The following OPN1SW variants were observed in gnomAD, a reference collection of about 807,000 sequenced individuals.
OPN1SW encodes short-wave-sensitive opsin 1.
A neutral mutation model predicts 31.9 loss-of-function variants in OPN1SW; 25 were observed. The observed-to-expected ratio is 0.78, with a 90% CI of 0.57 to 1.09. OPN1SW has a LOEUF of 1.09. Among genes scored for constraint, OPN1SW ranks in the 50% least tolerant of loss-of-function variants. The probability of loss-of-function intolerance (pLI) is 0.00; values close to 1 mark genes in which losing one functional copy is unlikely to be tolerated. For synonymous variants in OPN1SW, 190 were observed against 171.9 expected, an observed-to-expected ratio of 1.11 and a Z score of -0.82; for missense variants, 424 against 448.0, an observed-to-expected ratio of 0.95 and a Z score of 0.48.
Position 128,773,762 on chromosome 7 carries a change from T to A in OPN1SW, c.805A>T (p.Met269Leu). Residue 269 changes from methionine to leucine, a missense_variant, in exon 4 of 5, where the codon ATG becomes TTG. Physicochemically the swap from Met to Leu is conservative, Grantham distance 15. Transcript: ENST00000249389. ...YVPYAAFAMY[M>L]VNNRNHGLDL... ...AGCCCATGGTTACGGTTGTTGACCA[T>A]GTACATGGCGAAGGCCGCGTAGGGC... 2 of 1,614,182 alleles carry A rather than the reference T, an allele frequency of 1.2e-6. No individual in the cohort carries two copies. Among genetic ancestry groups the A allele is most frequent in the South Asian group, 2.2e-5 (2 of 91,084 alleles).
Position 128,774,364 on chromosome 7 carries a change from C to T in OPN1SW, c.678+134G>A, listed in dbSNP as rs995416702. 10 of 1,217,462 alleles carry T rather than the reference C, an allele frequency of 8.2e-6. No homozygotes were observed. The African/African-American group carries it at 1.0e-4, about 13-fold the overall frequency. The allele number at this position is 1,217,462 out of a possible 1,614,324, so 75.4% of individuals were successfully genotyped here. On this transcript the variant is annotated intron_variant, in intron 3 of 4. Transcript: ENST00000249389. ...CTTTGGATCTCCATCATTCTCCCTC[C>T]TCCTACTTCCTTTGCTGCTTTTAGA...
intron 3 of OPN1SW, among the ~76,000 whole-genome samples, chr7:128,774,119 C>T (rs1801701773): frequency 6.6e-6 from 1 of 152,138 alleles, no homozygotes; most frequent in Non-Finnish European, 1.5e-5. Context: ...CAAGCACACA[C>T]CACCATGCCC....
intron 1 of OPN1SW, 32 bp downstream of exon 1, chr7:128,775,407 C>G (rs763962437): frequency 7.5e-6 from 12 of 1,593,272 alleles, no homozygotes; most frequent in Non-Finnish European, 1.0e-5. Flanking sequence ...GCAACCTTTG[C>G]CTTCCCCTAA....
chr7:128,772,642 C>T lies in OPN1SW; in HGVS notation c.936G>A (p.Met312Ile). ...FMNKQFQACIMKMVCGKAMTD... is the reference protein window; with the variant it reads ...FMNKQFQACIIKMVCGKAMTD... The stretch of plus-strand genomic sequence containing the variant: ...TCATGGCCTTCCCACACACCATCTT[C>T]ATGATGCAAGCTTGGAACTGGAGAG... The change falls in exon 5 of 5, where the codon ATG (methionine) becomes ATA (isoleucine). Residue 312 changes from methionine (M) to isoleucine (I), a missense_variant. By Grantham distance (10) the Met-to-Ile change is conservative. Coordinates refer to ENST00000249389, the MANE Select transcript of OPN1SW (RefSeq NM_001385125.1). 1 of 1,614,124 alleles carries T rather than the reference C, an allele frequency of 6.2e-7. No homozygotes were observed. Among genetic ancestry groups the T allele is most frequent in the Non-Finnish European group, 8.5e-7 (1 of 1,179,990 alleles).
chr7:128,774,853 A>C, intron 2 of OPN1SW, 133 bp downstream of exon 2: 1 of 1,347,384 alleles, frequency 7.4e-7, no homozygotes, highest in South Asian at 1.2e-5. Flanking sequence ...CTTGTCTCCC[A>C]CTGCCCTTTC....
At position 128,772,495 on chromosome 7, in the gene OPN1SW, G is replaced by T; in HGVS notation, c.*45C>A. On this transcript the variant is annotated 3_prime_UTR_variant, in exon 5 of 5. Transcript: ENST00000249389. Reference sequence around the variant, plus strand: ...GGAGACAATAGAAACTTACTTAAAAGTAAAATTTAATTCTAGCTGTTGCAA... The same window carrying T: ...GGAGACAATAGAAACTTACTTAAAATTAAAATTTAATTCTAGCTGTTGCAA... The T allele has an allele frequency of 6.2e-7, 1 of 1,612,814 alleles. No individual in the cohort carries two copies. Among genetic ancestry groups the T allele is most frequent in the Non-Finnish European group, 8.5e-7 (1 of 1,178,914 alleles).
intron 3 of OPN1SW, 115 bp downstream of exon 3, chr7:128,774,382 CT>C (rs1253240906): frequency 3.6e-6 from 5 of 1,392,976 alleles, no homozygotes; most frequent in Middle Eastern, 2.2e-4. Context: ...TCCTTTGCTG[CT>C]TTTAGATACC....
intron 4 of OPN1SW, 102 bp downstream of exon 4, chr7:128,773,546 AC>A: frequency 6.6e-7 from 1 of 1,514,294 alleles, no homozygotes; most frequent in Non-Finnish European, 9.1e-7. Flanking sequence ...TCCCTCGTCT[AC>A]TAGAAACCTG....
intron 1 of OPN1SW, 117 bp from the exon 2 acceptor site, chr7:128,775,271 A>C: frequency 1.5e-6 from 2 of 1,316,280 alleles, no homozygotes; most frequent in Non-Finnish European, 2.1e-6. Flanking sequence ...TGACATTTGG[A>C]GTGAAGACTC....
Position 128,773,668 on chromosome 7 carries a change from T to C in OPN1SW, c.899A>G (p.Tyr300Cys). The change falls in exon 4 of 5, where the codon TAC (tyrosine) becomes TGC (cysteine). Residue 300 changes from tyrosine to cysteine, a missense_variant. By Grantham distance (194) the Tyr-to-Cys change is radical. Transcript: ENST00000249389. Reference sequence around the variant, plus strand: ...CTTTACCTGCTTATTCATGAAGCAGTAGATGATGGGATTGTAGATGCAAGC... The same window carrying C: ...CTTTACCTGCTTATTCATGAAGCAGCAGATGATGGGATTGTAGATGCAAGC... ...KSACIYNPII[Y>C]CFMNKQFQAC... The C allele has an allele frequency of 6.2e-7, 1 of 1,614,142 alleles. No individual in the cohort carries two copies. The highest frequency in any genetic ancestry group is 8.5e-7 in the Non-Finnish European group (1 of 1,180,014).
rs903312019 is a variant in OPN1SW at position 128,774,067 on chromosome 7, C to G, written c.679-179G>C. Among the ~76,000 whole-genome samples, 5 of 151,780 alleles carry G rather than the reference C, an allele frequency of 3.3e-5. 1 individual carries two copies. Among genetic ancestry groups the G allele is most frequent in the Admixed American group, 2.6e-4 (4 of 15,210 alleles). On this transcript the variant is annotated intron_variant, in intron 3 of 4. Coordinates refer to ENST00000249389, the MANE Select transcript of OPN1SW (RefSeq NM_001385125.1). Reference sequence around the variant, plus strand: ...TCACTGAACCTCCACCTCCCGGGTTCAAGTGATTCTTTTGTCTCAGCCTCC... The same window carrying G: ...TCACTGAACCTCCACCTCCCGGGTTGAAGTGATTCTTTTGTCTCAGCCTCC...
rs1208633947 is a variant in OPN1SW at position 128,772,601 on chromosome 7, G to C, written c.977C>G (p.Thr326Arg). ...AACTTCTGTTTTCTGGGAGCTGCAT[G>C]TGTCGGATTCATCTGTCATGGCCTT... Reference protein sequence around the residue: ...CGKAMTDESDTCSSQKTEVST... With the variant: ...CGKAMTDESDRCSSQKTEVST... The change falls in exon 5 of 5, where the codon ACA (threonine) becomes AGA (arginine). Residue 326 changes from threonine to arginine, a missense_variant. By Grantham distance (71) the Thr-to-Arg change is moderately conservative. Transcript: ENST00000249389. The C allele has an allele frequency of 4.3e-6, 7 of 1,614,214 alleles. No homozygotes were observed. The highest frequency in any genetic ancestry group is 5.9e-6 in the Non-Finnish European group (7 of 1,180,016).
In OPN1SW at chr7:128,775,022, A is replaced by C. The variant is rs754868961; in HGVS notation, c.476T>G (p.Ile159Ser). ...TVVLATWTIG[I>S]GVSIPPFFGW... ...AAAGAAGGGTGGGATGGAGACGCCA[A>C]TACCAATGGTCCAGGTAGCCAGGAC... The change falls in exon 2 of 5, where the codon ATT (isoleucine) becomes AGT (serine). Residue 159 changes from isoleucine (I) to serine (S), a missense_variant. Coordinates refer to ENST00000249389, the MANE Select transcript of OPN1SW (RefSeq NM_001385125.1). The C allele has an allele frequency of 6.2e-7, 1 of 1,614,198 alleles. No individual in the cohort carries two copies. Among genetic ancestry groups the C allele is most frequent in the Non-Finnish European group, 8.5e-7 (1 of 1,180,036 alleles).
intron 4 of OPN1SW, 81 bp downstream of exon 4, chr7:128,773,568 A>T: frequency 6.3e-7 from 1 of 1,586,440 alleles, no homozygotes; most frequent in Non-Finnish European, 8.6e-7. Context: ...GGTAGAGTCC[A>T]GGGTGCTCTG....
intron 2 of OPN1SW, 119 bp from the exon 3 acceptor site, chr7:128,774,782 G>A (rs1801723089): frequency 4.1e-6 from 6 of 1,461,188 alleles, no homozygotes; most frequent in Non-Finnish European, 4.7e-6. Flanking sequence ...TCAAGCAGGG[G>A]GGTTTTCTGT....
At chr7:128,772,683 G>A (rs2128885350) in intron 4 of OPN1SW, 24 bp from the exon 5 acceptor site, 1 of 1,613,978 alleles carries the variant, frequency 6.2e-7, no homozygotes, top group Non-Finnish European at 8.5e-7. Context: ...TACAATTGGA[G>A]ATAACCTTGG....
In OPN1SW at chr7:128,773,955, T is replaced by TTTTTTAA. The variant is rs1562888075; in HGVS notation, c.679-74_679-68dup. 13 of 1,517,810 alleles carry TTTTTTAA rather than the reference T, an allele frequency of 8.6e-6. No homozygotes were observed. The Admixed American group carries it at 1.3e-4, about 15-fold the overall frequency. The allele number at this position is 1,517,810 out of a possible 1,614,324, so 94.0% of individuals were successfully genotyped here. A position where few individuals can be genotyped will look rare whatever the true frequency, so the allele number is the denominator to read the frequency against. On this transcript the variant is annotated intron_variant, in intron 3 of 4. Transcript: ENST00000249389. ...GGCCCTCTGGATGCTTTTTTTTTTT[T>TTTTTTAA]TTTTTAATTTTTAATTTTTAATTTT...
At position 128,775,422 on chromosome 7, in the gene OPN1SW, T is replaced by C. The variant is rs750736619; in HGVS notation, c.343+17A>G. On this transcript the variant is annotated intron_variant, in intron 1 of 4. Transcript: ENST00000249389. ...GCAACCTTTGCCTTCCCCTAACCCC[T>C]TTTTCCCCTGCAGTACCTGCTACAG... 14 of 1,599,708 alleles carry C rather than the reference T, an allele frequency of 8.8e-6. No homozygotes were observed. The East Asian group carries it at 2.7e-4, about 31-fold the overall frequency.
chr7:128,773,622 C>A, intron 4 of OPN1SW, 27 bp downstream of exon 4: 2 of 1,614,020 alleles, frequency 1.2e-6, no homozygotes, highest in South Asian at 2.2e-5. Context: ...TCTTCTGGAC[C>A]ATAGGAATGT....
Sources: allele counts gnomAD v4.1 joint callset (sites outside exome capture counted in the v4.1 genomes callset), GRCh38; gene constraint gnomAD v4.1.1; transcripts MANE v1.5; gene names NCBI Gene and HGNC (gene_info 2026-07-23, HGNC 2026-07-21).